Variants in AMOTL1 observed in about 807,000 individuals in gnomAD.
AMOTL1 encodes the protein angiomotin-like protein 1.
A neutral mutation model predicts 102.9 loss-of-function variants in AMOTL1; 45 were observed. The ratio of observed to expected loss-of-function variants is 0.44; its 90% CI spans 0.34 to 0.56. The LOEUF is 0.56. Among genes scored for constraint, AMOTL1 ranks in the 20% least tolerant of loss-of-function variants. The probability of loss-of-function intolerance (pLI) is 0.01; values close to 1 mark genes in which losing one functional copy is unlikely to be tolerated. For synonymous variants in AMOTL1, 481 were observed against 484.7 expected (o/e 0.99, Z 0.10); for missense variants, 1,114 against 1,225.6 (o/e 0.91, Z 1.36).
At chr11:94,843,129 C>T (rs1206247604) in intron 6 of AMOTL1, among the ~76,000 whole-genome samples, 1 of 152,202 alleles carries the variant, frequency 6.6e-6, no homozygotes, top group Non-Finnish European at 1.5e-5. Context: ...AAACCATCAG[C>T]AAATTTTAAA....
rs76187450 is a variant in AMOTL1, at chr11:94,729,985, C to T, written c.85+930C>T. ...ACCAGGGTATGTCTTCCAACCAAGACTGCTTCACACAATGAGATAGTCGCC... is the reference window on the plus strand; with the variant it reads ...ACCAGGGTATGTCTTCCAACCAAGATTGCTTCACACAATGAGATAGTCGCC... On this transcript the variant is annotated intron_variant, in intron 2 of 4. Coordinates refer to the AMOTL1 transcript ENST00000299004. Among the ~76,000 whole-genome samples, 18 of 152,266 alleles carry T rather than the reference C, an allele frequency of 1.2e-4. No individual in the cohort carries two copies. The East Asian group carries it at 3.3e-3, about 28-fold the overall frequency.
chr11:94,857,409 G>C (rs1001962957), intron 8 of AMOTL1, among the ~76,000 whole-genome samples: 9 of 152,180 alleles, frequency 5.9e-5, no homozygotes, highest in African/African-American at 2.2e-4. Flanking sequence ...CTTATTGAAG[G>C]GGGGTGGAGA....
intron 1 of AMOTL1, among the ~76,000 whole-genome samples, chr11:94,778,461 A>G (rs1951058591): frequency 6.6e-6 from 1 of 152,210 alleles, no homozygotes; most frequent in South Asian, 2.1e-4. Flanking sequence ...GCCACTCACT[A>G]GCTTTATAAT....
rs1953052349 is a variant in AMOTL1, at chr11:94,873,976, A to C, written c.*3181A>C. ...GCACTTCCCAGAGACCTGGACTTCA[A>C]ACTTTCCCAGTGGAGCCTGATTATA... On this transcript the variant is annotated 3_prime_UTR_variant, in exon 13 of 13. Coordinates refer to ENST00000433060, the MANE Select transcript of AMOTL1 (RefSeq NM_130847.3). 1 of 152,346 alleles carries C rather than the reference A, an allele frequency of 6.6e-6. No individual in the cohort carries two copies. The highest frequency in any genetic ancestry group is 1.5e-5 in the Non-Finnish European group (1 of 68,046). 9.4% of individuals were successfully genotyped at this position (152,346 alleles called of 1,614,324 possible). A position where few individuals can be genotyped will look rare whatever the true frequency, so the allele number is the denominator to read the frequency against.
intron 8 of AMOTL1, among the ~76,000 whole-genome samples, chr11:94,856,780 C>T (rs1314963232): frequency 3.9e-5 from 6 of 152,174 alleles, no homozygotes; most frequent in Non-Finnish European, 8.8e-5. Flanking sequence ...ACAGACCAAC[C>T]GCATGGACTC....
chr11:94,834,759 G>C (rs1952140421), intron 6 of AMOTL1, among the ~76,000 whole-genome samples: 1 of 152,122 alleles, frequency 6.6e-6, no homozygotes, highest in Non-Finnish European at 1.5e-5. Flanking sequence ...AGCCATCCAA[G>C]TCTAAGAACA....
At chr11:94,792,250 C>G (rs991495954) in intron 1 of AMOTL1, among the ~76,000 whole-genome samples, 2 of 152,174 alleles carry the variant, frequency 1.3e-5, no homozygotes, top group Non-Finnish European at 1.5e-5. Flanking sequence ...TGTTCTCACT[C>G]ATAGGTGGGA....
intron 2 of AMOTL1, among the ~76,000 whole-genome samples, chr11:94,733,327 T>C (rs1486898590): frequency 1.3e-5 from 2 of 152,274 alleles, no homozygotes; most frequent in African/African-American, 4.8e-5. Flanking sequence ...TGTGATCTCC[T>C]ACTGGCACTT....
At chr11:94,741,202 G>A (rs1442709181) in intron 3 of AMOTL1, among the ~76,000 whole-genome samples, 1 of 151,904 alleles carries the variant, frequency 6.6e-6, no homozygotes, top group Non-Finnish European at 1.5e-5. Flanking sequence ...CCAATGAGCC[G>A]TGCGTGTGTG....
intron 1 of AMOTL1, among the ~76,000 whole-genome samples, chr11:94,716,615 G>T (rs977602559): frequency 6.6e-6 from 1 of 152,032 alleles, no homozygotes; most frequent in South Asian, 2.1e-4. Flanking sequence ...TGCTATTTGG[G>T]CTCCTGCTTT....
At chr11:94,852,783 T>C (rs1355552661) in intron 7 of AMOTL1, among the ~76,000 whole-genome samples, 2 of 152,218 alleles carry the variant, frequency 1.3e-5, no homozygotes, top group Non-Finnish European at 2.9e-5. Flanking sequence ...CTGAAATCTT[T>C]AGGACAAAGT....
At chr11:94,738,972 CAG>C (rs1274105381) in intron 2 of AMOTL1, among the ~76,000 whole-genome samples, 4 of 152,010 alleles carry the variant, frequency 2.6e-5, no homozygotes, top group Admixed American at 2.6e-4. Flanking sequence ...GTTGAGAGAT[CAG>C]AGTGTGACTA....
At chr11:94,748,328 G>T (rs1224831683) in intron 3 of AMOTL1, among the ~76,000 whole-genome samples, 1 of 152,174 alleles carries the variant, frequency 6.6e-6, no homozygotes. Context: ...CCATAGACGA[G>T]GGAGAAGGAA....
chr11:94,831,381 T>C, intron 5 of AMOTL1, 71 bp from the exon 6 acceptor site: 1 of 1,304,342 alleles, frequency 7.7e-7, no homozygotes, highest in East Asian at 2.3e-5. Flanking sequence ...TGGCACATAT[T>C]TCATTTCTTG....
chr11:94,727,266 A>G (rs1367977681), intron 1 of AMOTL1, among the ~76,000 whole-genome samples: 2 of 152,212 alleles, frequency 1.3e-5, no homozygotes, highest in Non-Finnish European at 2.9e-5. Flanking sequence ...GTTGCTTTTT[A>G]AGGATGTAGT....
intron 6 of AMOTL1, among the ~76,000 whole-genome samples, chr11:94,843,842 G>A (rs905226267): frequency 7.2e-5 from 11 of 152,208 alleles, no homozygotes; most frequent in African/African-American, 2.7e-4. Flanking sequence ...TAGCATGAAA[G>A]TTGTCTATTT....
rs538494809 is a variant in AMOTL1, at chr11:94,861,916, C to T, written c.2135+2201C>T. On this transcript the variant is annotated intron_variant, in intron 9 of 12. Transcript: ENST00000433060. Reference sequence around the variant, plus strand: ...TGGGCAGAGGAGGGAGGGTAGGGAGCGAGGAGAACCAGACCCAGTCACAAT... The same window carrying T: ...TGGGCAGAGGAGGGAGGGTAGGGAGTGAGGAGAACCAGACCCAGTCACAAT... 9.2e-5 allele frequency among the ~76,000 whole-genome samples: 14 copies of T among 152,092 alleles called. 1 individual carries two copies. The South Asian group carries it at 2.3e-3, about 25-fold the overall frequency.
intron 1 of AMOTL1, among the ~76,000 whole-genome samples, chr11:94,708,880 C>T (rs1347565060): frequency 1.3e-5 from 2 of 152,100 alleles, no homozygotes; most frequent in African/African-American, 4.8e-5. Flanking sequence ...GTACAGTTAA[C>T]CAGGAAAGGC....
chr11:94,765,148 A>G (rs1486939352), upstream of AMOTL1, among the ~76,000 whole-genome samples: 3 of 152,210 alleles, frequency 2.0e-5, no homozygotes, highest in African/African-American at 2.4e-5. Flanking sequence ...AAATTGGCCC[A>G]TCATCTTCTT....
Sources: gnomAD v4.1 joint callset for allele counts (sites outside exome capture counted in the v4.1 genomes callset) on GRCh38, gnomAD v4.1.1 for gene constraint, MANE v1.5 for transcripts, NCBI Gene and HGNC (gene_info 2026-07-23, HGNC 2026-07-21) for gene names.